RSRC1: variants seen among roughly 807,000 people sequenced by gnomAD.
The protein encoded by RSRC1 is serine/Arginine-related protein 53.
RSRC1 carries 39 observed loss-of-function variants against 49.1 expected under a neutral mutation model. The ratio of observed to expected loss-of-function variants is 0.79; its 90% CI spans 0.61 to 1.04. The LOEUF (loss-of-function observed/expected upper bound fraction) is 1.04, where lower values mean the gene tolerates loss of function less well. RSRC1 is among the 50% of genes least tolerant of loss of function. The pLI, the probability that RSRC1 is intolerant of heterozygous loss-of-function variation, is 0.00. For synonymous variants in RSRC1, 143 were observed against 130.8 expected, an observed-to-expected ratio of 1.09 and a Z score of -0.63; for missense variants, 388 against 402.4, an observed-to-expected ratio of 0.96 and a Z score of 0.31.
intron 6 of RSRC1, among the ~76,000 whole-genome samples, chr3:158,385,827 T>G (rs962448510): frequency 6.6e-6 from 1 of 152,126 alleles, no homozygotes; most frequent in African/African-American, 2.4e-5. Context: ...ACAAATTGTG[T>G]TTGTCCAAAT....
At chr3:158,468,726 C>A (rs9810400) in intron 7 of RSRC1, among the ~76,000 whole-genome samples, 31,114 of 151,898 alleles carry the variant, frequency 0.2, 3,751 homozygotes, top group African/African-American at 0.34. Flanking sequence ...AAAATTGTAC[C>A]TGTTTTTACC....
intron 4 of RSRC1, among the ~76,000 whole-genome samples, chr3:158,229,536 G>T (rs1405105215): frequency 3.4e-5 from 5 of 145,080 alleles, no homozygotes; most frequent in Admixed American, 6.8e-5. Flanking sequence ...GTGTGTGTGT[G>T]TTTTTTGTTT....
chr3:158,236,379 T>A (rs1723251061), intron 4 of RSRC1, among the ~76,000 whole-genome samples: 1 of 152,214 alleles, frequency 6.6e-6, no homozygotes, highest in Non-Finnish European at 1.5e-5. Context: ...GCACAGATCT[T>A]ACATATAGAA....
At chr3:158,285,203 T>C (rs1726445193) in intron 4 of RSRC1, among the ~76,000 whole-genome samples, 2 of 152,198 alleles carry the variant, frequency 1.3e-5, no homozygotes, top group South Asian at 2.1e-4. Flanking sequence ...CAGATAGTTG[T>C]AGTTATTCGG....
intron 7 of RSRC1, among the ~76,000 whole-genome samples, chr3:158,482,918 C>CT: frequency 1.3e-5 from 2 of 152,068 alleles, no homozygotes; most frequent in Non-Finnish European, 2.9e-5. Context: ...TATTTAACCT[C>CT]TAAGCCCACA....
intron 7 of RSRC1, among the ~76,000 whole-genome samples, chr3:158,514,434 A>C (rs935198101): frequency 2.0e-5 from 3 of 152,204 alleles, no homozygotes; most frequent in Admixed American, 1.3e-4. Flanking sequence ...GTTTTGAGTG[A>C]GATTCCTAAT....
chr3:158,180,866 G>T (rs991900900), intron 3 of RSRC1, among the ~76,000 whole-genome samples: 1 of 146,400 alleles, frequency 6.8e-6, no homozygotes, highest in African/African-American at 2.5e-5. Flanking sequence ...GTGCAATGGC[G>T]CAATCTCGGC....
At chr3:158,218,376 T>G (rs1291218638) in intron 4 of RSRC1, among the ~76,000 whole-genome samples, 1 of 151,674 alleles carries the variant, frequency 6.6e-6, no homozygotes, top group African/African-American at 2.4e-5. Flanking sequence ...TGGAAAGAAG[T>G]TGCTGAATTT....
At chr3:158,303,616 A>G (rs1727688046) in intron 5 of RSRC1, 1 of 152,204 alleles carries the variant, frequency 6.6e-6, no homozygotes, top group South Asian at 2.1e-4. Context: ...AGAAAAATAC[A>G]TTAAAAGGCC....
chr3:158,248,722 T>C (rs1329413434), intron 4 of RSRC1, among the ~76,000 whole-genome samples: 2 of 151,748 alleles, frequency 1.3e-5, no homozygotes, highest in South Asian at 4.2e-4. Flanking sequence ...CTCAGCCTCC[T>C]GAGTAGCTGG....
intron 7 of RSRC1, among the ~76,000 whole-genome samples, chr3:158,509,670 AT>A: frequency 6.6e-6 from 1 of 152,192 alleles, no homozygotes; most frequent in Non-Finnish European, 1.5e-5. Context: ...AAGATGTTGT[AT>A]TTTACAAAGT....
intron 7 of RSRC1, among the ~76,000 whole-genome samples, chr3:158,491,005 TTTA>T (rs1174257716): frequency 6.6e-6 from 1 of 152,238 alleles, no homozygotes; most frequent in Non-Finnish European, 1.5e-5. Flanking sequence ...AGAGATGTCA[TTTA>T]TTATTCTGAT....
intron 4 of RSRC1, among the ~76,000 whole-genome samples, chr3:158,209,804 A>G (rs919223251): frequency 6.6e-6 from 1 of 152,094 alleles, no homozygotes; most frequent in South Asian, 2.1e-4. Flanking sequence ...TTATTTTTCT[A>G]TAATATGGGG....
At chr3:158,330,089 A>T (rs1729457342) in intron 5 of RSRC1, among the ~76,000 whole-genome samples, 3 of 152,222 alleles carry the variant, frequency 2.0e-5, no homozygotes, top group Non-Finnish European at 4.4e-5. Flanking sequence ...GGAAAAGTGC[A>T]GTATTAGGGT....
At chr3:158,331,230 G>T (rs1729528774) in intron 5 of RSRC1, among the ~76,000 whole-genome samples, 1 of 152,196 alleles carries the variant, frequency 6.6e-6, no homozygotes, top group African/African-American at 2.4e-5. Context: ...AGAATTAGCT[G>T]TCATTTATAT....
intron 6 of RSRC1, among the ~76,000 whole-genome samples, chr3:158,362,951 A>G (rs1400259569): frequency 1.3e-5 from 2 of 152,214 alleles, no homozygotes; most frequent in African/African-American, 4.8e-5. Context: ...TGCACCTTTA[A>G]AATTATATTT....
chr3:158,528,260 TA>T (rs767798286), intron 7 of RSRC1, among the ~76,000 whole-genome samples: 42 of 151,894 alleles, frequency 2.8e-4, no homozygotes, highest in Non-Finnish European at 8.8e-5. Context: ...ATAATTGCAT[TA>T]AAAATTAATG....
At chr3:158,262,410 C>T (rs927299289) in intron 4 of RSRC1, among the ~76,000 whole-genome samples, 13 of 151,996 alleles carry the variant, frequency 8.6e-5, no homozygotes, top group African/African-American at 2.9e-4. Flanking sequence ...TTTGTATCTT[C>T]GTAAAAAAAA....
chr3:158,493,438 C>T (rs530139098), intron 7 of RSRC1, among the ~76,000 whole-genome samples: 30 of 152,232 alleles, frequency 2.0e-4, no homozygotes, highest in African/African-American at 6.5e-4. Flanking sequence ...TTTTGTGCCT[C>T]ATACCTCTCA....
Sources: gnomAD v4.1 joint callset for allele counts (sites outside exome capture counted in the v4.1 genomes callset) on GRCh38, gnomAD v4.1.1 for gene constraint, MANE v1.5 for transcripts, NCBI Gene and HGNC (gene_info 2026-07-23, HGNC 2026-07-21) for gene names.